The following TCERG1 variants were observed in gnomAD, a reference collection of about 807,000 sequenced individuals.
TCERG1 encodes the protein transcription elongation regulator 1.
Under a neutral mutation model 144.7 loss-of-function variants are expected in TCERG1, and 37 were observed. The ratio of observed to expected loss-of-function variants is 0.26; its 90% confidence interval spans 0.20 to 0.34. The LOEUF is 0.34. TCERG1 is among the 10% of genes least tolerant of loss of function. TCERG1 has a pLI of 1.00. For missense variants in TCERG1, 1,027 were observed against 1,380.7 expected, an observed-to-expected ratio of 0.74 and a Z score of 4.06; for synonymous variants, 492 against 458.2, an observed-to-expected ratio of 1.07 and a Z score of -0.94.
chr5:146,479,746 G>A (rs1765172015), intron 10 of TCERG1, 109 bp from the exon 11 acceptor site: 1 of 996,894 alleles, frequency 1.0e-6, no homozygotes. Context: ...TTTATAAAGG[G>A]ATGAATATTA....
rs1442786234 is a variant in TCERG1, at chr5:146,463,552, A to G, written c.894A>G (p.Thr298=). The change falls in exon 5 of 23, where the codon ACA becomes ACG. Residue 298 remains threonine, a splice_region_variant and synonymous_variant. Transcript: ENST00000679501. ...TATSVAQTVS[T]PTTQDQTPSS... ...TGTTTTTGTTTTATCTTTTATCAGC[A>G]CCCACAACACAAGATCAGACCCCAA... is the stretch of plus-strand genomic sequence containing the variant. 2.4e-5 allele frequency: 38 copies of G among 1,614,010 alleles called. No individual in the cohort carries two copies. Among genetic ancestry groups the G allele is most frequent in the Non-Finnish European group, 3.2e-5 (38 of 1,180,012 alleles).
chr5:146,474,807 T>G (rs1764683418), intron 9 of TCERG1, among the ~76,000 whole-genome samples: 1 of 152,216 alleles, frequency 6.6e-6, no homozygotes, highest in African/African-American at 2.4e-5. Context: ...AATTATAGTA[T>G]GTACATTGGT....
intron 9 of TCERG1, among the ~76,000 whole-genome samples, chr5:146,477,640 A>T (rs915886737): frequency 4.1e-5 from 6 of 145,454 alleles, no homozygotes; most frequent in Non-Finnish European, 7.5e-5. Flanking sequence ...AATGGCTTGT[A>T]GTGCTTGTAG....
Position 146,463,856 on chromosome 5 carries a change from T to C in TCERG1, c.1135+63T>C. On this transcript the variant is annotated intron_variant, in intron 5 of 22. Coordinates refer to ENST00000679501, the MANE Select transcript of TCERG1 (RefSeq NM_001382548.1). ...TTTCATATTGTCAGTTAGTTTGTTC[T>C]CATGTGTCTGTTGCGTTTGAAATTT... 6 of 1,601,042 alleles carry C rather than the reference T, an allele frequency of 3.7e-6. No individual in the cohort carries two copies. The South Asian group carries it at 6.7e-5, about 18-fold the overall frequency.
chr5:146,486,799 G>A (rs1259146933), intron 15 of TCERG1, among the ~76,000 whole-genome samples: 1 of 152,194 alleles, frequency 6.6e-6, no homozygotes, highest in African/African-American at 2.4e-5. Flanking sequence ...TTCAGGGTGG[G>A]CGTGGTGGCT....
chr5:146,491,469 T>C (rs1330728940), intron 15 of TCERG1, among the ~76,000 whole-genome samples: 1 of 152,106 alleles, frequency 6.6e-6, no homozygotes, highest in African/African-American at 2.4e-5. Context: ...AAAACATCAC[T>C]GTGCCAAGGT....
chr5:146,478,702 T>A, intron 10 of TCERG1, 49 bp downstream of exon 10: 2 of 1,487,236 alleles, frequency 1.3e-6, no homozygotes, highest in Non-Finnish European at 9.0e-7. Context: ...ATTCTTTTCA[T>A]ATTTTGATAG....
intron 16 of TCERG1, among the ~76,000 whole-genome samples, chr5:146,493,279 A>G (rs1766597205): frequency 6.6e-6 from 1 of 152,094 alleles, no homozygotes; most frequent in African/African-American, 2.4e-5. Context: ...TAAGTTCTTT[A>G]GAAACTAGTA....
rs1768103148 is a variant in TCERG1 at position 146,507,406 on chromosome 5, C to T, written c.2961+199C>T. On this transcript the variant is annotated intron_variant, in intron 20 of 22. Transcript: ENST00000679501. This position sits in a 1 kb window ranked among gnomAD's most constrained non-coding sequence, Gnocchi z 4.6. ...GCCTATTCTTTGCAGTTTTCACATT[C>T]ATAACTGCTCCCATAGTAATTCAAA... The T allele has an allele frequency of 2.0e-6, 1 of 502,278 alleles. No homozygotes were observed. 31.1% of individuals were successfully genotyped at this position (502,278 alleles called of 1,614,324 possible). A position where few individuals can be genotyped will look rare whatever the true frequency, so the allele number is the denominator to read the frequency against.
intron 21 of TCERG1, among the ~76,000 whole-genome samples, chr5:146,508,812 A>G (rs527718133): frequency 2.2e-4 from 34 of 152,268 alleles, no homozygotes; most frequent in Non-Finnish European, 7.4e-5. Context: ...TAATATCCTT[A>G]TTTTTAAGTG....
At chr5:146,490,418 A>T (rs1766287242) in intron 15 of TCERG1, among the ~76,000 whole-genome samples, 1 of 152,164 alleles carries the variant, frequency 6.6e-6, no homozygotes, top group African/African-American at 2.4e-5. Flanking sequence ...ATGTGCAGGG[A>T]AAGTTTATTT....
At chr5:146,479,982 C>A in intron 11 of TCERG1, 46 bp from the exon 12 acceptor site, 1 of 1,593,984 alleles carries the variant, frequency 6.3e-7, no homozygotes, top group Non-Finnish European at 8.6e-7. Flanking sequence ...TAGTGATTAG[C>A]AGAAGGATTC....
chr5:146,502,710 A>T (rs1357634281), intron 17 of TCERG1, among the ~76,000 whole-genome samples: 1 of 152,200 alleles, frequency 6.6e-6, no homozygotes, highest in Non-Finnish European at 1.5e-5. Context: ...TTTAATGCTA[A>T]AAAGTGTAGA....
chr5:146,463,772 G>C lies in TCERG1; in HGVS notation c.1114G>C (p.Gly372Arg). 6.2e-7 allele frequency: 1 copy of C among 1,614,138 alleles called. No homozygotes were observed. ...MVPPFRVPLP[G>R]MPIPLPGVAM... is the part of the protein sequence containing the mutation. ...ACCTCCGTTTCGTGTTCCCCTTCCT[G>C]GCATGCCAATTCCACTTCCAGGTAA... Residue 372 changes from glycine (G) to arginine (R), a missense_variant, in exon 5 of 23, where the codon GGC becomes CGC. By Grantham distance (125) the Gly-to-Arg change is moderately radical. Coordinates refer to ENST00000679501, the MANE Select transcript of TCERG1 (RefSeq NM_001382548.1).
At chr5:146,447,702 G>T (rs1173651853) in intron 1 of TCERG1, among the ~76,000 whole-genome samples, 2 of 152,188 alleles carry the variant, frequency 1.3e-5, no homozygotes, top group African/African-American at 4.8e-5. Context: ...CCCGCCTTTG[G>T]GCCCCGCCTC....
chr5:146,470,997 C>G (rs1764241436), intron 8 of TCERG1, among the ~76,000 whole-genome samples: 2 of 152,210 alleles, frequency 1.3e-5, no homozygotes, highest in African/African-American at 4.8e-5. Flanking sequence ...CTCTAACCTT[C>G]TGACTTATAA....
chr5:146,484,901 CT>C (rs1294698676), intron 15 of TCERG1, among the ~76,000 whole-genome samples: 1 of 152,134 alleles, frequency 6.6e-6, no homozygotes, highest in African/African-American at 2.4e-5. Flanking sequence ...TGTTGATCTC[CT>C]TCATTCCATC....
intron 3 of TCERG1, among the ~76,000 whole-genome samples, 163 bp downstream of exon 3, chr5:146,457,498 T>C (rs1054416714): frequency 9.2e-5 from 14 of 152,360 alleles, no homozygotes; most frequent in African/African-American, 2.6e-4. Flanking sequence ...TTAGTTTTTG[T>C]GCAGCAGATA....
intron 16 of TCERG1, among the ~76,000 whole-genome samples, chr5:146,493,913 T>C (rs908182703): frequency 2.0e-5 from 3 of 152,094 alleles, no homozygotes; most frequent in African/African-American, 7.2e-5. Flanking sequence ...ATGGCACTTA[T>C]TATAAACGTT....
Sources: gnomAD v4.1 joint callset for allele counts (sites outside exome capture counted in the v4.1 genomes callset) on GRCh38, gnomAD v4.1.1 for gene constraint, Gnocchi (gnomAD v3.1) non-coding constraint, MANE v1.5 for transcripts, NCBI Gene and HGNC (gene_info 2026-07-23, HGNC 2026-07-21) for gene names.